Variants in NYAP2 observed in about 807,000 individuals in gnomAD.
NYAP2 encodes neuronal tyrosine-phosphorylated phosphoinositide-3-kinase adapter 2.
Under a neutral mutation model 50.4 loss-of-function variants are expected in NYAP2, and 23 were observed. That is an observed-to-expected ratio of 0.46 (90% CI 0.33 to 0.65). The LOEUF is 0.65. Among genes scored for constraint, NYAP2 ranks in the 30% least tolerant of loss-of-function variants. The pLI is 0.02. For synonymous variants in NYAP2, 394 were observed against 365.2 expected (o/e 1.08, Z -0.90); for missense variants, 885 against 861.0 (o/e 1.03, Z -0.35).
chr2:225,562,811 T>C (rs986091605), intron 4 of NYAP2, among the ~76,000 whole-genome samples: 1 of 152,132 alleles, frequency 6.6e-6, no homozygotes, highest in Admixed American at 6.5e-5. Context: ...CACACTACTT[T>C]ATAATTGTTT....
At chr2:225,449,337 A>G (rs993048986) in intron 3 of NYAP2, among the ~76,000 whole-genome samples, 8 of 152,222 alleles carry the variant, frequency 5.3e-5, no homozygotes, top group Non-Finnish European at 1.0e-4. Context: ...AGTAAACTTC[A>G]ACAAGCTTTG....
intron 4 of NYAP2, among the ~76,000 whole-genome samples, chr2:225,572,712 G>A (rs1692095983): frequency 6.6e-6 from 1 of 152,144 alleles, no homozygotes; most frequent in South Asian, 2.1e-4. Flanking sequence ...CATCGAATCT[G>A]AACTTAGAAA....
chr2:225,512,584 G>C (rs1485812439), intron 3 of NYAP2, among the ~76,000 whole-genome samples: 1 of 116,976 alleles, frequency 8.5e-6, no homozygotes, highest in Non-Finnish European at 1.7e-5. Context: ...TTCCTTTCCT[G>C]CCTTCCCCTT....
chr2:225,619,432 A>G (rs1693050116), intron 5 of NYAP2, among the ~76,000 whole-genome samples: 1 of 152,178 alleles, frequency 6.6e-6, no homozygotes, highest in African/African-American at 2.4e-5. Context: ...CTTAAAAGAG[A>G]TCTTCAGGTG....
intron 3 of NYAP2, among the ~76,000 whole-genome samples, chr2:225,433,776 C>A (rs1689317480): frequency 7.4e-6 from 1 of 135,020 alleles, no homozygotes; most frequent in African/African-American, 2.8e-5. Context: ...GAGATCGCGC[C>A]ACTGCGCTCC....
chr2:225,535,853 A>C (rs190495032), intron 4 of NYAP2, among the ~76,000 whole-genome samples: 130 of 152,326 alleles, frequency 8.5e-4, no homozygotes, highest in African/African-American at 3.1e-3. Flanking sequence ...TCCTACCTCC[A>C]TTCCTTCCTT....
At chr2:225,637,938 C>G (rs185387417) in intron 6 of NYAP2, among the ~76,000 whole-genome samples, 1 of 152,140 alleles carries the variant, frequency 6.6e-6, no homozygotes, top group East Asian at 1.9e-4. Context: ...CATTTCAAGG[C>G]GAAAAGCTTG....
rs774607047 is a variant in NYAP2 at position 225,583,083 on chromosome 2, A to G, written c.1618+48A>G. 4.4e-6 allele frequency: 7 copies of G among 1,574,664 alleles called. No homozygotes were observed. In the African/African-American group the frequency reaches 9.4e-5, roughly 21 times the overall value. On this transcript the variant is annotated intron_variant, in intron 5 of 6. Coordinates refer to ENST00000636099, the Ensembl canonical transcript of NYAP2. ...AGCCCCAGAGCCCAGTGCCAGGCTT[A>G]CAACCAGGGTGAAGCCCATTGTGTG...
chr2:225,505,156 T>TA (rs1690683396), intron 3 of NYAP2, among the ~76,000 whole-genome samples: 1 of 152,154 alleles, frequency 6.6e-6, no homozygotes, highest in South Asian at 2.1e-4. Flanking sequence ...CAGCAGTTAA[T>TA]AAAAAGATGT....
At chr2:225,498,941 G>C (rs1311214977) in intron 3 of NYAP2, among the ~76,000 whole-genome samples, 1 of 152,176 alleles carries the variant, frequency 6.6e-6, no homozygotes, top group East Asian at 1.9e-4. Context: ...GCAGTATTTT[G>C]TTGAGAGGGC....
intron 5 of NYAP2, among the ~76,000 whole-genome samples, chr2:225,617,365 G>T (rs895116821): frequency 6.6e-6 from 1 of 151,994 alleles, no homozygotes; most frequent in Non-Finnish European, 1.5e-5. Context: ...GGAGATGGAG[G>T]TTGCGGTGAG....
intron 3 of NYAP2, among the ~76,000 whole-genome samples, chr2:225,502,426 C>G (rs1276300918): frequency 6.6e-6 from 1 of 152,158 alleles, no homozygotes; most frequent in African/African-American, 2.4e-5. Flanking sequence ...ATAGTATCAT[C>G]CATCCTGTTG....
At chr2:225,561,766 C>CT (rs1691879557) in intron 4 of NYAP2, among the ~76,000 whole-genome samples, 1 of 151,942 alleles carries the variant, frequency 6.6e-6, no homozygotes. Flanking sequence ...TAAAATGATT[C>CT]TTTTTTATTT....
At chr2:225,516,742 A>G (rs73082989) in intron 4 of NYAP2, among the ~76,000 whole-genome samples, 3,161 of 152,268 alleles carry the variant, frequency 0.021, 99 homozygotes, top group African/African-American at 0.07. Context: ...CAATATGTAG[A>G]TTGTTCTTTT....
At chr2:225,512,868 C>A (rs59872503) in intron 3 of NYAP2, among the ~76,000 whole-genome samples, 3 of 125,322 alleles carry the variant, frequency 2.4e-5, no homozygotes, top group Non-Finnish European at 4.7e-5. Flanking sequence ...TTCCTTCCTT[C>A]CTTCCTTCCT....
chr2:225,674,073 T>C, the NYAP2 span, among the ~76,000 whole-genome samples: 4 of 152,236 alleles, frequency 2.6e-5, no homozygotes, highest in Admixed American at 6.5e-5. Context: ...TCGCCTGAGC[T>C]GAGTCTAAAA....
chr2:225,404,914 T>A (rs1352078236), intron 2 of NYAP2, among the ~76,000 whole-genome samples: 2 of 151,956 alleles, frequency 1.3e-5, no homozygotes, highest in African/African-American at 4.8e-5. Context: ...ATGTTGGTGA[T>A]TTTAGGTGCC....
intron 4 of NYAP2, among the ~76,000 whole-genome samples, chr2:225,515,820 A>G (rs1329738777): frequency 6.6e-6 from 1 of 152,196 alleles, no homozygotes; most frequent in African/African-American, 2.4e-5. Context: ...TCAAAAGAAA[A>G]TTACTGATTT....
intron 3 of NYAP2, among the ~76,000 whole-genome samples, chr2:225,466,187 A>G (rs922774432): frequency 7.2e-5 from 11 of 152,222 alleles, no homozygotes; most frequent in African/African-American, 2.7e-4. Context: ...TATTTCTCCA[A>G]AATGCTTTTC....
Sources: gnomAD v4.1 joint callset for allele counts (sites outside exome capture counted in the v4.1 genomes callset) on GRCh38, gnomAD v4.1.1 for gene constraint, MANE v1.5 for transcripts, NCBI Gene and HGNC (gene_info 2026-07-23, HGNC 2026-07-21) for gene names.